The following SIGLEC1 variants were observed in gnomAD, a reference collection of about 807,000 sequenced individuals.
SIGLEC1 encodes the protein sialoadhesin.
A neutral mutation model predicts 148.0 loss-of-function variants in SIGLEC1; 132 were observed. That is an observed-to-expected ratio of 0.89 (90% CI 0.77 to 1.03). The LOEUF (loss-of-function observed/expected upper bound fraction) is 1.03, where lower values mean the gene tolerates loss of function less well. Ranked by LOEUF, SIGLEC1 falls within the 50% of genes least tolerant of loss-of-function variation. SIGLEC1 has a pLI of 0.00. For missense variants in SIGLEC1, 2,253 were observed against 2,271.4 expected, an observed-to-expected ratio of 0.99 and a Z score of 0.16; for synonymous variants, 945 against 969.0, an observed-to-expected ratio of 0.98 and a Z score of 0.46.
At position 3,694,686 on chromosome 20, in the gene SIGLEC1, G is replaced by T; in HGVS notation, c.2921C>A (p.Ala974Glu). The T allele has an allele frequency of 6.2e-7, 1 of 1,613,498 alleles. No individual in the cohort carries two copies. The highest frequency in any genetic ancestry group is 8.5e-7 in the Non-Finnish European group (1 of 1,179,874). ...APGSATTSLA[A>E]PISLHVSYAP... ...ACAGGACACGTGGAGGCTGATGGGTGCAGCTAGGCTCGTGGTGGCTGAGCC... is the reference window on the plus strand; with the variant it reads ...ACAGGACACGTGGAGGCTGATGGGTTCAGCTAGGCTCGTGGTGGCTGAGCC... Residue 974 changes from alanine (A) to glutamate (E), a missense_variant, in exon 12 of 22, where the codon GCA (alanine) becomes GAA (glutamate). Ala to Glu is a moderately radical substitution (Grantham distance 107). Coordinates refer to ENST00000344754, the MANE Select transcript of SIGLEC1 (RefSeq NM_023068.4).
intron 1 of SIGLEC1, among the ~76,000 whole-genome samples, chr20:3,711,987 G>A (rs1202958507): frequency 6.6e-6 from 1 of 152,090 alleles, no homozygotes; most frequent in Non-Finnish European, 1.5e-5. Context: ...GGTGGACATT[G>A]AGGTTGAGTG....
In SIGLEC1 at chr20:3,706,368, C is replaced by A. The variant is rs2087894080; in HGVS notation, c.388G>T (p.Gly130Cys). 1 of 1,612,048 alleles carries A rather than the reference C, an allele frequency of 6.2e-7. No individual in the cohort carries two copies. The highest frequency in any genetic ancestry group is 1.3e-5 in the African/African-American group (1 of 74,914). Residue 130 changes from glycine (G) to cysteine (C), a missense_variant, in exon 3 of 22, where the codon GGC becomes TGC. Gly to Cys is a radical substitution (Grantham distance 159). Coordinates refer to ENST00000344754, the MANE Select transcript of SIGLEC1 (RefSeq NM_023068.4). ...SEVNRWSDVK[G>C]TLVTVTEEPR... Reference sequence around the variant, plus strand: ...TCACCTGTTACTGTGACCAAGGTGCCTTTCACATCTGACCAGCGGTTGACC... The same window carrying A: ...TCACCTGTTACTGTGACCAAGGTGCATTTCACATCTGACCAGCGGTTGACC...
At chr20:3,701,090 T>C (rs1283995650) in intron 7 of SIGLEC1, among the ~76,000 whole-genome samples, 1 of 152,238 alleles carries the variant, frequency 6.6e-6, no homozygotes, top group Non-Finnish European at 1.5e-5. Flanking sequence ...CAATGAATGC[T>C]TCTGAGGGAC....
intron 4 of SIGLEC1, 95 bp downstream of exon 4, chr20:3,705,649 G>A (rs2087886670): frequency 7.3e-7 from 1 of 1,376,960 alleles, no homozygotes; most frequent in Non-Finnish European, 1.0e-6. Context: ...TGCATCAGGA[G>A]CAAGGGTTCC....
chr20:3,699,796 G>A (rs2087835290), intron 7 of SIGLEC1, among the ~76,000 whole-genome samples: 1 of 148,430 alleles, frequency 6.7e-6, no homozygotes, highest in Non-Finnish European at 1.5e-5. Context: ...AGGCAACATA[G>A]TGAGACTCCA....
Position 3,705,964 on chromosome 20 carries a change from A to T in SIGLEC1, c.486T>A (p.Thr162=), listed in dbSNP as rs149974522. 2.3e-4 allele frequency: 377 copies of T among 1,614,036 alleles called. No individual in the cohort carries two copies. In the African/African-American group the frequency reaches 4.1e-3, roughly 18 times the overall value. The stretch of plus-strand genomic sequence containing the variant: ...CCTGCTCCTGCAGGCATACGTAGGG[A>T]GTGGAGCAGTTGAAGTCCACCTCTG... The part of the protein sequence containing the change: ...EGTEVDFNCS[T]PYVCLQEQVR... The change falls in exon 4 of 22, where the codon ACT becomes ACA. Residue 162 remains threonine (T), a synonymous_variant. Transcript: ENST00000344754.
chr20:3,689,825 G>C (rs577635533), intron 19 of SIGLEC1, 123 bp from the exon 20 acceptor site: 2 of 1,162,506 alleles, frequency 1.7e-6, no homozygotes, highest in East Asian at 2.6e-5. Context: ...CTCCACACAA[G>C]GGTGCCCCGA....
chr20:3,705,373 A>T (rs1308879080), intron 4 of SIGLEC1, among the ~76,000 whole-genome samples: 1 of 152,262 alleles, frequency 6.6e-6, no homozygotes, highest in Non-Finnish European at 1.5e-5. Flanking sequence ...CTGAGAAAAC[A>T]GAGCCAGGCA....
At position 3,708,473 on chromosome 20, in the gene SIGLEC1, A is replaced by C. The variant is rs374196582; in HGVS notation, c.-109-1236T>G. 2.4e-4 allele frequency among the ~76,000 whole-genome samples: 36 copies of C among 152,232 alleles called. 1 individual carries two copies. The highest frequency in any genetic ancestry group is 8.2e-4 in the African/African-American group (34 of 41,456). On this transcript the variant is annotated intron_variant, in intron 1 of 21. Coordinates refer to ENST00000344754, the MANE Select transcript of SIGLEC1 (RefSeq NM_023068.4). ...AATAGGTAAGTTGGACTTCATCAAA[A>C]TTTAAAACTTGGCCAGACACAGTGG...
Position 3,690,028 on chromosome 20 carries a change from C to T in SIGLEC1, c.4828G>A (p.Glu1610Lys). 1 of 1,613,114 alleles carries T rather than the reference C, an allele frequency of 6.2e-7. No homozygotes were observed. The highest frequency in any genetic ancestry group is 8.5e-7 in the Non-Finnish European group (1 of 1,179,820). Residue 1610 changes from glutamate to lysine, a missense_variant, in exon 19 of 22, where the codon GAA becomes AAA. Physicochemically the swap from Glu to Lys is moderately conservative, Grantham distance 56 (BLOSUM62 1). Transcript: ENST00000344754. ...ACATTTGAGGCAGAACAGATGTATT[C>T]CCCTTGGTCGCTGGGCCTCAGCGCC... Reference protein sequence around the residue: ...IEALRPSDQGEYICSASNVLG... With the variant: ...IEALRPSDQGKYICSASNVLG...
At chr20:3,694,973 C>G (rs370945464) in intron 11 of SIGLEC1, 50 bp from the exon 12 acceptor site, 9 of 1,561,176 alleles carry the variant, frequency 5.8e-6, no homozygotes, top group Non-Finnish European at 6.9e-6. Context: ...ACACCTCTCA[C>G]AGTCTGGGAC....
chr20:3,696,045 G>A (rs1417369632), intron 11 of SIGLEC1, among the ~76,000 whole-genome samples: 7 of 151,642 alleles, frequency 4.6e-5, no homozygotes, highest in South Asian at 2.1e-4. Context: ...TGATCCGCCC[G>A]CCTCAGCCTC....
At position 3,707,162 on chromosome 20, in the gene SIGLEC1, G is replaced by T; in HGVS notation, c.-34C>A. The T allele has an allele frequency of 3.7e-6, 6 of 1,610,198 alleles. No homozygotes were observed. The highest frequency in any genetic ancestry group is 1.1e-5 in the South Asian group (1 of 90,906). Reference sequence around the variant, plus strand: ...CTTGTGCTGCTCCTGTTGCCTAAGAGGGTGGTGCGCACTGCGCTGGCTGGG... The same window carrying T: ...CTTGTGCTGCTCCTGTTGCCTAAGATGGTGGTGCGCACTGCGCTGGCTGGG... On this transcript the variant is annotated 5_prime_UTR_variant, in exon 2 of 22. Transcript: ENST00000344754.
chr20:3,688,309 C>A lies in SIGLEC1; in HGVS notation c.*251G>T. ...AGAAATGGAGAGAAGGGAGGAGATC[C>A]AGAGAAGAGAGAGCGAGATCAGCTC... On this transcript the variant is annotated 3_prime_UTR_variant, in exon 22 of 22. Coordinates refer to ENST00000344754, the MANE Select transcript of SIGLEC1 (RefSeq NM_023068.4). The A allele has an allele frequency of 2.0e-6, 1 of 494,036 alleles. No homozygotes were observed. Among genetic ancestry groups the A allele is most frequent in the Non-Finnish European group, 3.7e-6 (1 of 270,298 alleles). 30.6% of individuals were successfully genotyped at this position (494,036 alleles called of 1,614,324 possible).
intron 7 of SIGLEC1, 81 bp downstream of exon 7, chr20:3,701,261 T>A (rs2087848492): frequency 7.5e-7 from 1 of 1,328,628 alleles, no homozygotes; most frequent in Middle Eastern, 2.2e-4. Context: ...TTGAGTCCAC[T>A]AGACTTCTAG....
chr20:3,691,927 T>C lies in SIGLEC1; in HGVS notation c.4306A>G (p.Thr1436Ala). Reference sequence around the variant, plus strand: ...CCTTCTACCTGCAACCGCCCGATGGTGCTGATTGAGCCCAGCAAGTTTTGG... The same window carrying C: ...CCTTCTACCTGCAACCGCCCGATGGCGCTGATTGAGCCCAGCAAGTTTTGG... Reference protein sequence around the residue: ...TAQNLLGSISTIGRLQVEGAR... With the variant: ...TAQNLLGSISAIGRLQVEGAR... Residue 1436 changes from threonine to alanine, a missense_variant, in exon 17 of 22, where the codon ACC becomes GCC. Transcript: ENST00000344754. 1.9e-6 allele frequency: 3 copies of C among 1,588,424 alleles called. No homozygotes were observed. The South Asian group carries it at 3.4e-5, about 18-fold the overall frequency.
At chr20:3,708,117 A>T (rs1412418886) in intron 1 of SIGLEC1, among the ~76,000 whole-genome samples, 1 of 152,216 alleles carries the variant, frequency 6.6e-6, no homozygotes, top group Non-Finnish European at 1.5e-5. Flanking sequence ...TTAGGGGTTC[A>T]GAGCTGAGGT....
chr20:3,706,570 G>T lies in SIGLEC1; in HGVS notation c.186C>A (p.Asp62Glu). 1.2e-6 allele frequency: 2 copies of T among 1,612,768 alleles called. No individual in the cohort carries two copies. Among genetic ancestry groups the T allele is most frequent in the Non-Finnish European group, 1.7e-6 (2 of 1,179,790 alleles). The change falls in exon 3 of 22, where the codon GAC becomes GAA. Residue 62 changes from aspartate to glutamate, a missense_variant. Coordinates refer to ENST00000344754, the MANE Select transcript of SIGLEC1 (RefSeq NM_023068.4). ...TCACCACCTGCCGCTGGCCCGAGTA[G>T]TCGTAGTACCAGATGGCCGTGATGC... ...PDGITAIWYYDYSGQRQVVSH... is the reference protein window; with the variant it reads ...PDGITAIWYYEYSGQRQVVSH...
rs951467060 is a variant in SIGLEC1, at chr20:3,706,672, G to A, written c.84C>T (p.Asp28=). 14 of 1,556,882 alleles carry A rather than the reference G, an allele frequency of 9.0e-6. No individual in the cohort carries two copies. Among genetic ancestry groups the A allele is most frequent in the African/African-American group, 1.4e-5 (1 of 73,336 alleles). The change falls in exon 3 of 22, where the codon GAC becomes GAT. Residue 28 remains aspartate (D), a synonymous_variant. Transcript: ENST00000344754. The part of the protein sequence containing the change: ...QASWGVSSPQ[D]VQGVKGSCLL... The stretch of plus-strand genomic sequence containing the variant: ...GGCAAGACCCCTTCACACCCTGCAC[G>A]TCCTGGGGACTGGAGACGCCCCATG...
Sources: allele counts gnomAD v4.1 joint callset (sites outside exome capture counted in the v4.1 genomes callset), GRCh38; gene constraint gnomAD v4.1.1; transcripts MANE v1.5; gene names NCBI Gene and HGNC (gene_info 2026-07-23, HGNC 2026-07-21).